RPGRIP1: variants seen among roughly 807,000 people sequenced by gnomAD.
The protein encoded by RPGRIP1 is X-linked retinitis pigmentosa GTPase regulator-interacting protein 1.
A neutral mutation model predicts 157.9 loss-of-function variants in RPGRIP1; 128 were observed. The observed-to-expected ratio is 0.81, with a 90% confidence interval of 0.70 to 0.94. The LOEUF (loss-of-function observed/expected upper bound fraction) is 0.94, where lower values mean the gene tolerates loss of function less well. Ranked by LOEUF, RPGRIP1 falls within the 40% of genes least tolerant of loss-of-function variation. The probability of loss-of-function intolerance (pLI) is 0.00; values close to 1 mark genes in which losing one functional copy is unlikely to be tolerated. For missense variants in RPGRIP1, 1,486 were observed against 1,545.8 expected (o/e 0.96, Z 0.65); for synonymous variants, 554 against 571.6 (o/e 0.97, Z 0.44).
chr14:21,345,784 T>C (rs953390551), intron 23 of RPGRIP1, among the ~76,000 whole-genome samples: 2 of 151,952 alleles, frequency 1.3e-5, no homozygotes, highest in Non-Finnish European at 2.9e-5. Context: ...TTTACTTGAA[T>C]ATTGACAATG....
chr14:21,351,277 T>G lies in RPGRIP1; in HGVS notation c.*61T>G, dbSNP rs935832809. ...GGGAACCATAGTAAAAAGTCTCTTA[T>G]AAAGTTAGCTTGCTATAACATGAAT... On this transcript the variant is annotated 3_prime_UTR_variant, in exon 25 of 25. Coordinates refer to ENST00000400017, the MANE Select transcript of RPGRIP1 (RefSeq NM_020366.4). 4.1e-6 allele frequency: 4 copies of G among 987,318 alleles called. No individual in the cohort carries two copies. The highest frequency in any genetic ancestry group is 6.3e-6 in the Non-Finnish European group (4 of 635,880). 61.2% of individuals were successfully genotyped at this position (987,318 alleles called of 1,614,324 possible). A position where few individuals can be genotyped will look rare whatever the true frequency, so the allele number is the denominator to read the frequency against.
intron 21 of RPGRIP1, among the ~76,000 whole-genome samples, chr14:21,336,432 G>A (rs186169495): frequency 3.7e-4 from 56 of 152,286 alleles, no homozygotes; most frequent in Admixed American, 2.7e-3. Flanking sequence ...GTATTTGGGA[G>A]GCTGAGGTGA....
intron 13 of RPGRIP1, among the ~76,000 whole-genome samples, 191 bp from the exon 14 acceptor site, chr14:21,321,663 A>G (rs1594204277): frequency 6.6e-6 from 1 of 152,172 alleles, no homozygotes; most frequent in African/African-American, 2.4e-5. Flanking sequence ...TGCCAGTCCT[A>G]GGAACCACCC....
intron 8 of RPGRIP1, among the ~76,000 whole-genome samples, chr14:21,311,459 G>A (rs1323985601): frequency 6.6e-6 from 1 of 152,168 alleles, no homozygotes; most frequent in Admixed American, 6.5e-5. Context: ...GGCTGAGGCA[G>A]GAGAATTGCT....
intron 10 of RPGRIP1, among the ~76,000 whole-genome samples, chr14:21,315,796 T>G (rs1303780603): frequency 6.9e-6 from 1 of 144,374 alleles, no homozygotes; most frequent in Non-Finnish European, 1.5e-5. Context: ...TTATTATTAT[T>G]ATTATTATTA....
chr14:21,334,206 G>C (rs1884096178), intron 20 of RPGRIP1, among the ~76,000 whole-genome samples: 1 of 152,056 alleles, frequency 6.6e-6, no homozygotes, highest in Non-Finnish European at 1.5e-5. Flanking sequence ...ACAGGTGTGA[G>C]CCACCACGCC....
At position 21,302,524 on chromosome 14, in the gene RPGRIP1, C is replaced by T. The variant is rs1011857075; in HGVS notation, c.527C>T (p.Ser176Leu). The T allele has an allele frequency of 3.2e-6, 5 of 1,586,540 alleles. No homozygotes were observed. The highest frequency in any genetic ancestry group is 4.3e-6 in the Non-Finnish European group (5 of 1,164,330). ...RDRLSYTAPP[S>L]FKEHATNENR... Reference sequence around the variant, plus strand: ...AGGCTGAGCTACACAGCCCCTCCATCGTTTAAGGAGCATGCGACAAATGAA... The same window carrying T: ...AGGCTGAGCTACACAGCCCCTCCATTGTTTAAGGAGCATGCGACAAATGAA... Residue 176 changes from serine to leucine, a missense_variant, in exon 5 of 25, where the codon TCG (serine) becomes TTG (leucine). Physicochemically the swap from Ser to Leu is moderately radical, Grantham distance 145 (BLOSUM62 -2). Coordinates refer to ENST00000400017, the MANE Select transcript of RPGRIP1 (RefSeq NM_020366.4).
Position 21,325,846 on chromosome 14 carries a change from TG to T in RPGRIP1, c.2386del (p.Glu796AsnfsTer62). ...ATCTTTCCAGTTCAGATCGGAGTCT[TG>T]GGAACCTCAGAACGAGCTGTGGATT... The part of the protein sequence containing the change: ...AQEEEFRSES[W>X]EPQNELWIEI... On this transcript the variant is annotated frameshift_variant, in exon 17 of 25. Coordinates refer to ENST00000400017, the MANE Select transcript of RPGRIP1 (RefSeq NM_020366.4). LOFTEE classifies it high-confidence loss of function. 1 of 1,612,974 alleles carries T rather than the reference TG, an allele frequency of 6.2e-7. No individual in the cohort carries two copies. The highest frequency in any genetic ancestry group is 8.5e-7 in the Non-Finnish European group (1 of 1,179,058).
intron 16 of RPGRIP1, among the ~76,000 whole-genome samples, 179 bp downstream of exon 16, chr14:21,325,562 G>A (rs1882991018): frequency 6.6e-6 from 1 of 152,242 alleles, no homozygotes; most frequent in Non-Finnish European, 1.5e-5. Context: ...ATGAAAGTAT[G>A]CCTTTGGAGC....
Position 21,301,093 on chromosome 14 carries a change from C to G in RPGRIP1, c.346C>G (p.His116Asp). Residue 116 changes from histidine to aspartate, a missense_variant, in exon 4 of 25, where the codon CAC (histidine) becomes GAC (aspartate). By Grantham distance (81) the His-to-Asp change is moderately conservative. Coordinates refer to ENST00000400017, the MANE Select transcript of RPGRIP1 (RefSeq NM_020366.4). ...KAGWRQRLSMHQRPQMHRLQG... is the reference protein window; with the variant it reads ...KAGWRQRLSMDQRPQMHRLQG... ...GGGATGGCGGCAGCGCCTCTCCATG[C>G]ACCAGCGCCCCCAGATGCACCGACT... 3.7e-6 allele frequency: 6 copies of G among 1,612,138 alleles called. No homozygotes were observed. Among genetic ancestry groups the G allele is most frequent in the Non-Finnish European group, 5.1e-6 (6 of 1,179,176 alleles).
Position 21,325,224 on chromosome 14 carries a change from C to T in RPGRIP1, c.2216-8C>T. ...ATTCCCCCTGCTTTCACACTTTCTG[C>T]TACCCAGGAGCTGGTGGAGAAGAGT... On this transcript the variant is annotated splice_polypyrimidine_tract_variant and splice_region_variant and intron_variant, in intron 15 of 24. Coordinates refer to ENST00000400017, the MANE Select transcript of RPGRIP1 (RefSeq NM_020366.4). 1.3e-6 allele frequency: 2 copies of T among 1,595,064 alleles called. No individual in the cohort carries two copies. The highest frequency in any genetic ancestry group is 1.8e-5 in the Admixed American group (1 of 55,656).
intron 21 of RPGRIP1, among the ~76,000 whole-genome samples, chr14:21,335,401 G>A (rs1884240951): frequency 6.6e-6 from 1 of 152,098 alleles, no homozygotes; most frequent in Non-Finnish European, 1.5e-5. Context: ...AGAGAGGACA[G>A]GATTCTTCAT....
intron 1 of RPGRIP1, among the ~76,000 whole-genome samples, chr14:21,282,691 G>A (rs1255454400): frequency 7.3e-6 from 1 of 137,340 alleles, no homozygotes; most frequent in East Asian, 2.2e-4. Context: ...CTCACAGCAA[G>A]CTCCGCCTCC....
chr14:21,335,806 C>CAAAAAAAAAA lies in RPGRIP1; in HGVS notation c.3339+1109_3339+1110insAAAAAAAAAA, dbSNP rs536624884. On this transcript the variant is annotated intron_variant, in intron 21 of 24. Transcript: ENST00000400017. ...TGGGCGACAGAGCGAGACTACGTCT[C>CAAAAAAAAAA]AAAAAAAAGAGACACACATATATTA... is the stretch of plus-strand genomic sequence containing the variant. Among the ~76,000 whole-genome samples the CAAAAAAAAAA allele has an allele frequency of 2.0e-5, 3 of 149,908 alleles. 1 individual carries two copies. The highest frequency in any genetic ancestry group is 7.6e-5 in the African/African-American group (3 of 39,710).
At chr14:21,326,682 T>A (rs1415332649) in intron 17 of RPGRIP1, among the ~76,000 whole-genome samples, 1 of 152,128 alleles carries the variant, frequency 6.6e-6, no homozygotes. Flanking sequence ...ACAAACTTTT[T>A]CAAGCTCTGT....
At chr14:21,307,501 A>G (rs1881366460) in intron 6 of RPGRIP1, among the ~76,000 whole-genome samples, 3 of 152,264 alleles carry the variant, frequency 2.0e-5, no homozygotes, top group African/African-American at 7.2e-5. Context: ...TTCTCATAAC[A>G]TAAGCTTAAG....
intron 21 of RPGRIP1, among the ~76,000 whole-genome samples, chr14:21,339,611 G>A (rs1884780744): frequency 6.6e-6 from 1 of 151,928 alleles, no homozygotes; most frequent in Admixed American, 6.6e-5. Context: ...GCTTTTTATA[G>A]TTCCTTCGTC....
chr14:21,301,006 G>A lies in RPGRIP1; in HGVS notation c.259G>A (p.Asp87Asn). Reference protein sequence around the residue: ...TLLRLTAAGRDLRVAEEAAPL... With the variant: ...TLLRLTAAGRNLRVAEEAAPL... Reference sequence around the variant, plus strand: ...GCTGCGGTTGACCGCTGCTGGCCGGGACCTGCGGGTCGCGGAGGAGGCGGC... The same window carrying A: ...GCTGCGGTTGACCGCTGCTGGCCGGAACCTGCGGGTCGCGGAGGAGGCGGC... The change falls in exon 4 of 25, where the codon GAC (aspartate) becomes AAC (asparagine). Residue 87 changes from aspartate to asparagine, a missense_variant. Physicochemically the swap from Asp to Asn is conservative, Grantham distance 23. Transcript: ENST00000400017. The A allele has an allele frequency of 6.2e-7, 1 of 1,612,788 alleles. No individual in the cohort carries two copies. Among genetic ancestry groups the A allele is most frequent in the Non-Finnish European group, 8.5e-7 (1 of 1,179,420 alleles).
intron 24 of RPGRIP1, 21 bp from the exon 25 acceptor site, chr14:21,351,082 GT>G: frequency 5.5e-6 from 8 of 1,451,328 alleles, no homozygotes; most frequent in South Asian, 2.4e-5. Flanking sequence ...GAGTGATGCT[GT>G]TTTTTTCCCT....
Sources: gnomAD v4.1 joint callset for allele counts (sites outside exome capture counted in the v4.1 genomes callset) on GRCh38, gnomAD v4.1.1 for gene constraint, MANE v1.5 for transcripts, NCBI Gene and HGNC (gene_info 2026-07-23, HGNC 2026-07-21) for gene names.